GPC5: variants seen among roughly 807,000 people sequenced by gnomAD.
The protein encoded by GPC5 is glypican-5.
GPC5 carries 47 observed loss-of-function variants against 53.9 expected under a neutral mutation model. That is an observed-to-expected ratio of 0.87 (90% CI 0.69 to 1.11). The LOEUF (loss-of-function observed/expected upper bound fraction) is 1.11. Among genes scored for constraint, GPC5 ranks in the 50% most tolerant of loss-of-function variants. GPC5 has a pLI of 0.00. For synonymous variants in GPC5, 286 were observed against 263.3 expected (o/e 1.09, Z -0.84); for missense variants, 748 against 713.1 (o/e 1.05, Z -0.56).
intron 5 of GPC5, among the ~76,000 whole-genome samples, chr13:91,905,630 A>T (rs1366040675): frequency 6.6e-6 from 1 of 152,114 alleles, no homozygotes; most frequent in Non-Finnish European, 1.5e-5. Context: ...GAAGTATATT[A>T]TCTCAGGAAG....
Position 92,551,991 on chromosome 13 carries a change from G to A in GPC5, c.1562-314291G>A, listed in dbSNP as rs184284146. Among the ~76,000 whole-genome samples, 1,117 of 151,974 alleles carry A rather than the reference G, an allele frequency of 7.3e-3. 10 individuals carry two copies. The highest frequency in any genetic ancestry group is 0.017 in the Middle Eastern group (5 of 294). On this transcript the variant is annotated intron_variant, in intron 7 of 7. Coordinates refer to ENST00000377067, the MANE Select transcript of GPC5 (RefSeq NM_004466.6). ...TTAATTTAACATACTAAAATAGTCA[G>A]CACTTCTCTGAGATGTTACTGTGCT... is the stretch of plus-strand genomic sequence containing the variant.
At chr13:92,198,819 A>G (rs1222187402) in intron 7 of GPC5, among the ~76,000 whole-genome samples, 2 of 152,208 alleles carry the variant, frequency 1.3e-5, no homozygotes, top group Non-Finnish European at 1.5e-5. Flanking sequence ...TCTCTATCTC[A>G]GAAACCGAGA....
intron 6 of GPC5, among the ~76,000 whole-genome samples, chr13:92,073,002 A>T (rs2041225243): frequency 1.3e-5 from 2 of 151,238 alleles, no homozygotes; most frequent in East Asian, 4.0e-4. Flanking sequence ...GGGATTTTGG[A>T]TTTGCTTGTG....
chr13:92,725,652 A>T (rs1159639499), intron 7 of GPC5, among the ~76,000 whole-genome samples: 1 of 151,612 alleles, frequency 6.6e-6, no homozygotes, highest in African/African-American at 2.4e-5. Flanking sequence ...AATACAAAAA[A>T]ATGAAAATAA....
chr13:92,039,926 G>A (rs961783837), intron 6 of GPC5, among the ~76,000 whole-genome samples: 12 of 152,244 alleles, frequency 7.9e-5, no homozygotes, highest in African/African-American at 2.4e-4. Context: ...ACTTCAACAC[G>A]TGAGTTTTGA....
intron 7 of GPC5, among the ~76,000 whole-genome samples, chr13:92,504,876 C>G (rs1299181138): frequency 1.3e-5 from 2 of 151,780 alleles, no homozygotes; most frequent in Non-Finnish European, 2.9e-5. Flanking sequence ...AACTGTAATA[C>G]ATTTAGAAAA....
intron 7 of GPC5, among the ~76,000 whole-genome samples, chr13:92,862,614 GAGATAGATAGACAGATAGATAGAT>G (rs1450681085): frequency 2.1e-5 from 3 of 142,104 alleles, no homozygotes; most frequent in East Asian, 4.3e-4. Context: ...ATATCTAGTG[GAGATAGATAGACAGATAGATAGAT>G]AGATAGATAG....
At chr13:91,586,743 T>C (rs2032611985) in intron 2 of GPC5, among the ~76,000 whole-genome samples, 1 of 149,554 alleles carries the variant, frequency 6.7e-6, no homozygotes, top group Admixed American at 6.7e-5. Context: ...GAGATTTGGG[T>C]GGGGACACAG....
chr13:91,466,965 G>A (rs1419111940), intron 2 of GPC5, among the ~76,000 whole-genome samples: 9 of 152,046 alleles, frequency 5.9e-5, no homozygotes, highest in Admixed American at 4.6e-4. Context: ...GGCAGTCCCC[G>A]CTTTGCACAA....
chr13:91,743,391 C>G (rs2036978148), intron 4 of GPC5, among the ~76,000 whole-genome samples: 1 of 152,116 alleles, frequency 6.6e-6, no homozygotes, highest in South Asian at 2.1e-4. Context: ...AAGTTTGTCT[C>G]TTACAAATTA....
chr13:92,324,184 A>G (rs1483127090), intron 7 of GPC5, among the ~76,000 whole-genome samples: 4 of 152,024 alleles, frequency 2.6e-5, no homozygotes, highest in South Asian at 2.1e-4. Context: ...ACATCATAGT[A>G]AAGTATGTTT....
intron 7 of GPC5, among the ~76,000 whole-genome samples, chr13:92,436,694 T>G (rs1367164301): frequency 6.6e-6 from 1 of 152,144 alleles, no homozygotes; most frequent in Non-Finnish European, 1.5e-5. Flanking sequence ...CACACAAAAT[T>G]TTTGAACGTT....
intron 1 of GPC5, among the ~76,000 whole-genome samples, chr13:91,407,681 C>T (rs1050378568): frequency 2.0e-4 from 30 of 152,150 alleles, no homozygotes; most frequent in Non-Finnish European, 3.7e-4. Context: ...GTAAAGTATA[C>T]ATCACTCGTC....
intron 6 of GPC5, among the ~76,000 whole-genome samples, chr13:91,961,339 G>A (rs190290905): frequency 6.6e-6 from 1 of 151,956 alleles, no homozygotes; most frequent in Non-Finnish European, 1.5e-5. Context: ...TGTGATTAGT[G>A]AAAGGATAGA....
chr13:92,628,405 T>C (rs909711236), intron 7 of GPC5, among the ~76,000 whole-genome samples: 1 of 150,598 alleles, frequency 6.6e-6, no homozygotes, highest in Non-Finnish European at 1.5e-5. Context: ...CCTGAATTAA[T>C]CCTATTTCAA....
intron 7 of GPC5, among the ~76,000 whole-genome samples, chr13:92,477,037 AGTAT>A (rs879624487): frequency 0.025 from 3,525 of 142,388 alleles, 51 homozygotes; most frequent in Middle Eastern, 0.041. Context: ...TAAAACTTAA[AGTAT>A]AATAATAAAA....
chr13:91,571,956 CATATAT>C (rs1566516361), intron 2 of GPC5, among the ~76,000 whole-genome samples: 6 of 128,806 alleles, frequency 4.7e-5, no homozygotes, highest in Admixed American at 7.3e-5. Flanking sequence ...CATATACACA[CATATAT>C]GTATATATGT....
intron 6 of GPC5, among the ~76,000 whole-genome samples, chr13:92,134,982 C>T (rs188128244): frequency 6.6e-6 from 1 of 152,228 alleles, no homozygotes; most frequent in East Asian, 1.9e-4. Context: ...TTGCGTCACA[C>T]ATCTAATTAT....
At chr13:91,748,506 A>G (rs1594516781) in intron 4 of GPC5, among the ~76,000 whole-genome samples, 1 of 152,240 alleles carries the variant, frequency 6.6e-6, no homozygotes, top group Admixed American at 6.5e-5. Flanking sequence ...AGAAGTTGTT[A>G]AAAACTAGTC....
Sources: gnomAD v4.1 joint callset for allele counts (sites outside exome capture counted in the v4.1 genomes callset) on GRCh38, gnomAD v4.1.1 for gene constraint, MANE v1.5 for transcripts, NCBI Gene and HGNC (gene_info 2026-07-23, HGNC 2026-07-21) for gene names.